The following TMEM71 variants were observed in gnomAD, a reference collection of about 807,000 sequenced individuals.
TMEM71 encodes transmembrane protein 71.
Under a neutral mutation model 38.0 loss-of-function variants are expected in TMEM71, and 44 were observed. The observed-to-expected ratio is 1.16, with a 90% CI of 0.91 to 1.49. The LOEUF is 1.49. Ranked by LOEUF, TMEM71 falls within the 40% of genes most tolerant of loss-of-function variation. The pLI is 0.00. For missense variants in TMEM71, 367 were observed against 348.6 expected, an observed-to-expected ratio of 1.05 and a Z score of -0.42; for synonymous variants, 133 against 122.5, an observed-to-expected ratio of 1.09 and a Z score of -0.56.
chr8:132,750,205 T>C (rs1457458243), intron 4 of TMEM71, among the ~76,000 whole-genome samples: 1 of 152,156 alleles, frequency 6.6e-6, no homozygotes, highest in Non-Finnish European at 1.5e-5. Context: ...TGGTGCTTCT[T>C]TTCATTGAAA....
chr8:132,741,910 G>T (rs1469406869), intron 5 of TMEM71, among the ~76,000 whole-genome samples: 2 of 152,212 alleles, frequency 1.3e-5, no homozygotes, highest in African/African-American at 2.4e-5. Flanking sequence ...CTATGTAGCG[G>T]GTGTTGTTCC....
chr8:132,707,365 TTAAAAGGG>T (rs1826109288), downstream of TMEM71, among the ~76,000 whole-genome samples: 1 of 152,154 alleles, frequency 6.6e-6, no homozygotes, highest in Non-Finnish European at 1.5e-5. Flanking sequence ...TCTTCGGTTC[TTAAAAGGG>T]CATGCTATGG....
At chr8:132,771,280 T>C in the TMEM71 span, among the ~76,000 whole-genome samples, 5 of 152,202 alleles carry the variant, frequency 3.3e-5, no homozygotes, top group Admixed American at 2.0e-4. Context: ...AGCCCTTCCT[T>C]CCATTCTCAA....
chr8:132,742,329 C>T (rs890653784), intron 5 of TMEM71, among the ~76,000 whole-genome samples: 11 of 152,154 alleles, frequency 7.2e-5, no homozygotes, highest in Non-Finnish European at 1.5e-4. Flanking sequence ...GAGCCAAGAT[C>T]GCGCCACTGC....
intron 5 of TMEM71, among the ~76,000 whole-genome samples, chr8:132,734,363 A>C (rs1284919940): frequency 6.6e-6 from 1 of 152,162 alleles, no homozygotes; most frequent in East Asian, 1.9e-4. Flanking sequence ...TAAAAAAAAG[A>C]GGAGGCTAGC....
rs750231882 is a variant in TMEM71 at position 132,714,222 on chromosome 8, C to G, written c.753-7G>C. On this transcript the variant is annotated splice_polypyrimidine_tract_variant and splice_region_variant and intron_variant, in intron 7 of 9. Transcript: ENST00000677595. ...TATTTCTCCCATAAACCATCTGAAA[C>G]AACAAGATTGCTCTGATTTAGCATA... 1 of 1,607,332 alleles carries G rather than the reference C, an allele frequency of 6.2e-7. No homozygotes were observed. The highest frequency in any genetic ancestry group is 2.2e-5 in the East Asian group (1 of 44,850).
chr8:132,743,507 T>A (rs781614428), intron 5 of TMEM71, among the ~76,000 whole-genome samples: 10 of 152,344 alleles, frequency 6.6e-5, no homozygotes, highest in Non-Finnish European at 1.3e-4. Flanking sequence ...CTCTTGTTTT[T>A]CCACTCACCT....
intron 5 of TMEM71, among the ~76,000 whole-genome samples, chr8:132,740,134 G>T (rs1374701076): frequency 6.6e-6 from 1 of 152,120 alleles, no homozygotes; most frequent in Non-Finnish European, 1.5e-5. Context: ...TGACCCCACA[G>T]CTCCCCTTGT....
intron 2 of TMEM71, chr8:132,758,531 A>AT (rs1829156957): frequency 3.7e-6 from 1 of 268,776 alleles, no homozygotes; most frequent in South Asian, 6.5e-5. Context: ...ATCATTCAGC[A>AT]TTTTTTATAT....
chr8:132,755,863 A>G (rs1828974774), intron 3 of TMEM71, among the ~76,000 whole-genome samples: 1 of 152,174 alleles, frequency 6.6e-6, no homozygotes, highest in Non-Finnish European at 1.5e-5. Context: ...CATTATCCTC[A>G]TCATATAGCA....
the TMEM71 span, chr8:132,775,408 G>A: frequency 5.4e-6 from 2 of 372,492 alleles, no homozygotes; most frequent in Non-Finnish European, 4.7e-6. Context: ...GGCGGCGGAG[G>A]CGGCGGCGGC....
chr8:132,767,638 C>G, the TMEM71 span, among the ~76,000 whole-genome samples: 1 of 152,100 alleles, frequency 6.6e-6, no homozygotes, highest in African/African-American at 2.4e-5. Context: ...CCATGCCCAG[C>G]TAATTTTTTG....
downstream of TMEM71, chr8:132,709,904 AT>A (rs1370091736): frequency 3.7e-4 from 57 of 152,124 alleles, no homozygotes; most frequent in African/African-American, 1.2e-3. Context: ...TCTCAAAAAA[AT>A]ATATATATAC....
intron 5 of TMEM71, among the ~76,000 whole-genome samples, chr8:132,745,337 C>T (rs1438615482): frequency 2.0e-5 from 3 of 151,890 alleles, no homozygotes; most frequent in Non-Finnish European, 4.4e-5. Context: ...TAAGCAAAAA[C>T]CAAATAATCC....
the TMEM71 span, among the ~76,000 whole-genome samples, chr8:132,771,007 C>T: frequency 6.6e-6 from 1 of 152,168 alleles, no homozygotes; most frequent in Non-Finnish European, 1.5e-5. Context: ...ATGCAAGAGA[C>T]ACTAGTTAAC....
intron 3 of TMEM71, among the ~76,000 whole-genome samples, chr8:132,756,255 G>C (rs1828997217): frequency 6.6e-6 from 1 of 151,620 alleles, no homozygotes; most frequent in Non-Finnish European, 1.5e-5. Context: ...TCGGCCATTG[G>C]TATAGAATTC....
At chr8:132,707,161 A>G (rs1010419802), downstream of TMEM71, among the ~76,000 whole-genome samples, 3 of 152,206 alleles carry the variant, frequency 2.0e-5, no homozygotes, top group African/African-American at 7.2e-5. Context: ...CAATAGGCAT[A>G]TTAAACAAAC....
chr8:132,753,559 A>G lies in TMEM71; in HGVS notation c.102-1562T>C, dbSNP rs143628258. On this transcript the variant is annotated intron_variant, in intron 3 of 9. Coordinates refer to ENST00000677595, the MANE Select transcript of TMEM71 (RefSeq NM_001382403.1). ...CAAACATTGTCCCGTCTCTGCATGC[A>G]CACCTTCAGTAAGAAGGACCCCACA... Among the ~76,000 whole-genome samples the G allele has an allele frequency of 2.4e-3, 361 of 152,192 alleles. 4 individuals carry two copies. Among genetic ancestry groups the G allele is most frequent in the African/African-American group, 8.3e-3 (346 of 41,522 alleles).
At chr8:132,720,590 TA>T (rs561997056) in intron 7 of TMEM71, among the ~76,000 whole-genome samples, 27 of 152,348 alleles carry the variant, frequency 1.8e-4, no homozygotes, top group Non-Finnish European at 3.2e-4. Flanking sequence ...CATTGTGATC[TA>T]AAAATGTTTT....
Sources: allele counts gnomAD v4.1 joint callset (sites outside exome capture counted in the v4.1 genomes callset), GRCh38; gene constraint gnomAD v4.1.1; transcripts MANE v1.5; gene names NCBI Gene and HGNC (gene_info 2026-07-23, HGNC 2026-07-21).